Variants in ZMAT4 observed in about 807,000 individuals in gnomAD.
ZMAT4 encodes the protein zinc finger matrin-type protein 4.
A neutral mutation model predicts 28.7 loss-of-function variants in ZMAT4; 17 were observed. The observed-to-expected ratio is 0.59, with a 90% CI of 0.41 to 0.89. The LOEUF (loss-of-function observed/expected upper bound fraction) is 0.89, where lower values mean the gene tolerates loss of function less well. Ranked by LOEUF, ZMAT4 falls within the 40% of genes least tolerant of loss-of-function variation. ZMAT4 has a pLI of 0.00. For missense variants in ZMAT4, 240 were observed against 283.8 expected (o/e 0.85, Z 1.11); for synonymous variants, 117 against 109.2 (o/e 1.07, Z -0.44).
intron 2 of ZMAT4, among the ~76,000 whole-genome samples, chr8:40,782,459 A>G (rs1427584194): frequency 6.6e-6 from 1 of 152,196 alleles, no homozygotes; most frequent in Non-Finnish European, 1.5e-5. Flanking sequence ...ACAGAATGGG[A>G]GAAATATTTT....
intron 1 of ZMAT4, among the ~76,000 whole-genome samples, chr8:40,844,565 G>A (rs1233404500): frequency 6.6e-6 from 1 of 151,992 alleles, no homozygotes; most frequent in African/African-American, 2.4e-5. Flanking sequence ...CCATTATCAT[G>A]TGAGCTGATT....
intron 2 of ZMAT4, among the ~76,000 whole-genome samples, chr8:40,800,143 A>G (rs1336076523): frequency 1.3e-5 from 2 of 152,234 alleles, no homozygotes. Context: ...GTTATCAAGG[A>G]TAAAAAGAGG....
intron 1 of ZMAT4, among the ~76,000 whole-genome samples, chr8:40,847,554 C>T (rs1210704862): frequency 6.6e-6 from 1 of 152,172 alleles, no homozygotes; most frequent in Non-Finnish European, 1.5e-5. Flanking sequence ...AGGCAATGGG[C>T]GTTCCTGGGA....
intron 4 of ZMAT4, 153 bp downstream of exon 4, chr8:40,697,092 G>T (rs969287448): frequency 1.2e-6 from 1 of 839,884 alleles, no homozygotes; most frequent in Non-Finnish European, 1.8e-6. Flanking sequence ...AGCCAGGTCT[G>T]CTGAGGTCAG....
intron 5 of ZMAT4, among the ~76,000 whole-genome samples, chr8:40,624,513 T>G (rs1340084847): frequency 2.0e-5 from 3 of 152,262 alleles, no homozygotes; most frequent in Non-Finnish European, 4.4e-5. Context: ...ATTAGCTCCT[T>G]AAGGATGGAA....
chr8:40,696,476 A>G (rs560704555), intron 4 of ZMAT4, among the ~76,000 whole-genome samples: 1 of 152,188 alleles, frequency 6.6e-6, no homozygotes, highest in Non-Finnish European at 1.5e-5. Flanking sequence ...CTGGATTCTA[A>G]CCTGTTTGGT....
intron 1 of ZMAT4, among the ~76,000 whole-genome samples, chr8:40,829,352 C>T (rs901572199): frequency 2.6e-5 from 4 of 152,224 alleles, no homozygotes; most frequent in African/African-American, 7.2e-5. Flanking sequence ...GAGGTTGGCA[C>T]TATCTGCAAT....
At chr8:40,702,650 T>C (rs750943196) in intron 3 of ZMAT4, among the ~76,000 whole-genome samples, 15 of 152,186 alleles carry the variant, frequency 9.9e-5, no homozygotes, top group Non-Finnish European at 1.6e-4. Flanking sequence ...TCTCTTTTGC[T>C]TTAGGTGAAG....
At chr8:40,584,484 A>G (rs1308221343) in intron 5 of ZMAT4, among the ~76,000 whole-genome samples, 1 of 152,220 alleles carries the variant, frequency 6.6e-6, no homozygotes, top group Non-Finnish European at 1.5e-5. Flanking sequence ...ATTAAGGAAT[A>G]CAGAATTTAT....
At chr8:40,696,187 T>C (rs772174826) in intron 4 of ZMAT4, among the ~76,000 whole-genome samples, 2 of 152,180 alleles carry the variant, frequency 1.3e-5, no homozygotes, top group African/African-American at 2.4e-5. Flanking sequence ...CACAGCCACC[T>C]TTACAAAAAC....
intron 4 of ZMAT4, chr8:40,690,903 G>A: frequency 1.0e-6 from 1 of 984,548 alleles, no homozygotes; most frequent in Non-Finnish European, 1.2e-6. Flanking sequence ...CAATGAATGA[G>A]ATCATTGCTT....
chr8:40,746,213 TTCCCTCCTTCCCTCCCTCCC>T (rs1283621763), intron 3 of ZMAT4, among the ~76,000 whole-genome samples: 3 of 96,450 alleles, frequency 3.1e-5, no homozygotes, highest in African/African-American at 8.0e-5. Context: ...CCTTCCCTCC[TTCCCTCCTTCCCTCCCTCCC>T]TCCCTCCCTC....
chr8:40,632,936 G>A (rs1338529971), intron 5 of ZMAT4, among the ~76,000 whole-genome samples: 1 of 152,116 alleles, frequency 6.6e-6, no homozygotes, highest in Non-Finnish European at 1.5e-5. Context: ...TAAAGGAGAG[G>A]AAGATTACTA....
At chr8:40,883,817 A>G (rs535435567) in intron 1 of ZMAT4, among the ~76,000 whole-genome samples, 1 of 152,196 alleles carries the variant, frequency 6.6e-6, no homozygotes, top group South Asian at 2.1e-4. Context: ...TTTCTTTTCA[A>G]TTCAATCCTA....
At position 40,695,988 on chromosome 8, in the gene ZMAT4, G is replaced by T. The variant is rs144233209; in HGVS notation, c.349+1257C>A. Among the ~76,000 whole-genome samples, 804 of 151,922 alleles carry T rather than the reference G, an allele frequency of 5.3e-3. 10 individuals are homozygous for T. Among genetic ancestry groups the T allele is most frequent in the African/African-American group, 0.017 (708 of 41,454 alleles). ...ATTTTCCAGTGACTGTTTTTTTGAG[G>T]TGTCTATTTTAAGAGATTTGATGGG... On this transcript the variant is annotated intron_variant, in intron 4 of 6. Coordinates refer to ENST00000297737, the MANE Select transcript of ZMAT4 (RefSeq NM_024645.3).
chr8:40,835,718 A>T (rs146246446), intron 1 of ZMAT4, among the ~76,000 whole-genome samples: 31 of 152,334 alleles, frequency 2.0e-4, no homozygotes, highest in Non-Finnish European at 2.9e-5. Context: ...TCAACTGCAG[A>T]GGAAGGCACC....
intron 5 of ZMAT4, among the ~76,000 whole-genome samples, chr8:40,663,341 C>CT (rs993417966): frequency 2.0e-5 from 3 of 151,870 alleles, no homozygotes; most frequent in Admixed American, 6.6e-5. Context: ...GGCTCCCAAG[C>CT]TTTTTTTTCA....
intron 2 of ZMAT4, among the ~76,000 whole-genome samples, chr8:40,793,715 C>T (rs188856597): frequency 1.8e-3 from 279 of 152,316 alleles, no homozygotes; most frequent in Middle Eastern, 3.4e-3. Context: ...AGGACCAGAG[C>T]CACTGATTTG....
intron 5 of ZMAT4, among the ~76,000 whole-genome samples, chr8:40,649,433 G>C (rs925237002): frequency 7.2e-5 from 11 of 152,058 alleles, no homozygotes; most frequent in African/African-American, 2.4e-4. Context: ...AGCAAGTCCT[G>C]AGTGACCTAC....
Sources: allele counts gnomAD v4.1 joint callset (sites outside exome capture counted in the v4.1 genomes callset), GRCh38; gene constraint gnomAD v4.1.1; transcripts MANE v1.5; gene names NCBI Gene and HGNC (gene_info 2026-07-23, HGNC 2026-07-21).